DMXL2: variants seen among roughly 807,000 people sequenced by gnomAD.
The protein encoded by DMXL2 is dmX-like protein 2.
Under a neutral mutation model 331.1 loss-of-function variants are expected in DMXL2, and 103 were observed. That is an observed-to-expected ratio of 0.31 (90% CI 0.27 to 0.37). The LOEUF (loss-of-function observed/expected upper bound fraction) is 0.37, where lower values mean the gene tolerates loss of function less well. Ranked by LOEUF, DMXL2 falls within the 10% of genes least tolerant of loss-of-function variation. The pLI is 1.00. For missense variants in DMXL2, 3,171 were observed against 3,642.9 expected, an observed-to-expected ratio of 0.87 and a Z score of 3.33; for synonymous variants, 1,281 against 1,252.1, an observed-to-expected ratio of 1.02 and a Z score of -0.49.
chr15:51,534,201 T>C (rs1473941175), intron 13 of DMXL2, among the ~76,000 whole-genome samples: 1 of 152,130 alleles, frequency 6.6e-6, no homozygotes, highest in Non-Finnish European at 1.5e-5. Flanking sequence ...GGTCACAATA[T>C]TGCTATGTTT....
intron 15 of DMXL2, 21 bp downstream of exon 15, chr15:51,514,421 C>T (rs1209067727): frequency 1.5e-6 from 2 of 1,350,826 alleles, no homozygotes; most frequent in African/African-American, 3.0e-5. Flanking sequence ...TAAACAAATG[C>T]AGACTATTTT....
chr15:51,539,562 A>G (rs1275236040), intron 9 of DMXL2, among the ~76,000 whole-genome samples: 4 of 152,120 alleles, frequency 2.6e-5, no homozygotes, highest in Non-Finnish European at 5.9e-5. Context: ...TAATCCTAGC[A>G]CTTCTGAAGG....
At chr15:51,525,736 G>C (rs927343229) in intron 13 of DMXL2, among the ~76,000 whole-genome samples, 1 of 152,028 alleles carries the variant, frequency 6.6e-6, no homozygotes, top group African/African-American at 2.4e-5. Context: ...AGAAGGGTAG[G>C]AGGGACTGTG....
chr15:51,590,865 A>G (rs2052254864), intron 1 of DMXL2, among the ~76,000 whole-genome samples: 1 of 152,178 alleles, frequency 6.6e-6, no homozygotes, highest in South Asian at 2.1e-4. Flanking sequence ...AGGAGGAGAG[A>G]GAGAGAAGTG....
chr15:51,478,213 T>C, intron 26 of DMXL2, 58 bp downstream of exon 26: 2 of 1,433,418 alleles, frequency 1.4e-6, no homozygotes, highest in Non-Finnish European at 9.7e-7. Flanking sequence ...TTAATATAAC[T>C]CTGGAACAGT....
chr15:51,575,944 C>T, intron 2 of DMXL2, 112 bp downstream of exon 2: 1 of 1,098,486 alleles, frequency 9.1e-7, no homozygotes, highest in South Asian at 1.4e-5. Flanking sequence ...TAATAATCAC[C>T]CAAGCAATAC....
In DMXL2 at chr15:51,458,620, C is replaced by A; in HGVS notation, c.8084G>T (p.Cys2695Phe). Residue 2695 changes from cysteine to phenylalanine, a missense_variant, in exon 36 of 44, where the codon TGT becomes TTT. Around this residue, in one of 7 missense-constraint regions of DMXL2, gnomAD observed 766 missense variants for 940.5 expected, o/e 0.81. Transcript: ENST00000560891. ...TGTTGAAGCCAAAACAATTTCATTA[C>A]AATTTGCCTATAAAGCAAAGGCAGA... ...IMAFSVNKAN[C>F]NEIVLASTHD... 1 of 1,613,932 alleles carries A rather than the reference C, an allele frequency of 6.2e-7. No homozygotes were observed.
intron 2 of DMXL2, among the ~76,000 whole-genome samples, chr15:51,575,512 G>GA (rs995835979): frequency 5.3e-5 from 8 of 152,068 alleles, no homozygotes; most frequent in African/African-American, 1.9e-4. Context: ...AAAATTGGGG[G>GA]AGAGGTACAT....
chr15:51,450,351 A>G lies in DMXL2; in HGVS notation c.8750-5T>C. On this transcript the variant is annotated splice_polypyrimidine_tract_variant and splice_region_variant and intron_variant, in intron 42 of 43. Coordinates refer to ENST00000560891, the MANE Select transcript of DMXL2 (RefSeq NM_001378457.1). ...CATGATCGTGGCACGTGAAACCTGA[A>G]GAAGAAAAACATCAGAGAATTTCTC... The G allele has an allele frequency of 6.2e-7, 1 of 1,613,860 alleles. No individual in the cohort carries two copies. The highest frequency in any genetic ancestry group is 8.5e-7 in the Non-Finnish European group (1 of 1,179,796).
At chr15:51,562,912 A>G (rs2050057233) in intron 6 of DMXL2, among the ~76,000 whole-genome samples, 1 of 152,134 alleles carries the variant, frequency 6.6e-6, no homozygotes, top group Non-Finnish European at 1.5e-5. Flanking sequence ...AATAATATAT[A>G]TAACTCAGGG....
At chr15:51,556,144 C>G (rs1367037075) in intron 6 of DMXL2, among the ~76,000 whole-genome samples, 3 of 151,326 alleles carry the variant, frequency 2.0e-5, no homozygotes, top group Non-Finnish European at 2.9e-5. Flanking sequence ...GAGATCGAGA[C>G]CATCCTGGCT....
chr15:51,498,940 T>C lies in DMXL2; in HGVS notation c.4284A>G (p.Pro1428=), dbSNP rs1422663410. Residue 1428 remains proline, a synonymous_variant, in exon 18 of 44, where the codon CCA becomes CCG. Transcript: ENST00000560891. ...CAGCAAGTAATGCATATAGTGGTAG[T>C]GGAGGGATAGAATCTATCTCAGTAT... ...RDYTEIDSIP[P]LPLYALLAAD... is the part of the protein sequence containing the mutation. 9 of 1,614,030 alleles carry C rather than the reference T, an allele frequency of 5.6e-6. No homozygotes were observed. The highest frequency in any genetic ancestry group is 1.7e-5 in the Admixed American group (1 of 60,000).
chr15:51,466,470 G>A (rs2040583773), intron 29 of DMXL2, 159 bp from the exon 30 acceptor site: 2 of 233,724 alleles, frequency 8.6e-6, no homozygotes, highest in Non-Finnish European at 1.5e-5. Context: ...AATGGTGTCA[G>A]CATAAGTAAA....
intron 13 of DMXL2, among the ~76,000 whole-genome samples, chr15:51,524,430 C>T (rs988662270): frequency 3.3e-5 from 5 of 152,188 alleles, no homozygotes; most frequent in African/African-American, 1.2e-4. Flanking sequence ...AAAGCACCTT[C>T]ATAAGAACCA....
intron 16 of DMXL2, among the ~76,000 whole-genome samples, chr15:51,506,356 C>T (rs1220742229): frequency 6.6e-6 from 1 of 152,168 alleles, no homozygotes; most frequent in Non-Finnish European, 1.5e-5. Context: ...AGCCACCATG[C>T]CCATGCCCAG....
Position 51,481,453 on chromosome 15 carries a change from A to G in DMXL2, c.5653T>C (p.Phe1885Leu). Residue 1885 changes from phenylalanine to leucine, a missense_variant, in exon 24 of 44, where the codon TTC becomes CTC. Physicochemically the swap from Phe to Leu is conservative, Grantham distance 22. Coordinates refer to ENST00000560891, the MANE Select transcript of DMXL2 (RefSeq NM_001378457.1). ...AAATGAGCATTTGCAGTGGTAAAGA[A>G]TAATTTTCTTTCTATGAGGTTAATT... The part of the protein sequence containing the change: ...DKINLIERKL[F>L]FTTANAHFKV... 6.2e-7 allele frequency: 1 copy of G among 1,613,012 alleles called. No homozygotes were observed. The highest frequency in any genetic ancestry group is 8.5e-7 in the Non-Finnish European group (1 of 1,179,590).
intron 27 of DMXL2, 47 bp downstream of exon 27, chr15:51,476,542 A>C: frequency 6.3e-7 from 1 of 1,587,240 alleles, no homozygotes; most frequent in Non-Finnish European, 8.5e-7. Context: ...TTTAGGAAGA[A>C]ATTGCCAACT....
intron 27 of DMXL2, among the ~76,000 whole-genome samples, chr15:51,475,582 G>T (rs1345151169): frequency 6.6e-6 from 1 of 152,012 alleles, no homozygotes; most frequent in East Asian, 1.9e-4. Context: ...AAAACAACTG[G>T]CTGGTACTCT....
In DMXL2 at chr15:51,448,817, C is replaced by T. The variant is rs867655446; in HGVS notation, c.*167G>A. On this transcript the variant is annotated 3_prime_UTR_variant, in exon 44 of 44. Coordinates refer to ENST00000560891, the MANE Select transcript of DMXL2 (RefSeq NM_001378457.1). ...GTATGTCAGCATAATAAGGTACATG[C>T]GCATTCATTCCACCAACCTGTTTAG... 5.1e-5 allele frequency: 34 copies of T among 661,544 alleles called. No homozygotes were observed. The highest frequency in any genetic ancestry group is 5.1e-4 in the African/African-American group (28 of 55,072). 41.0% of individuals were successfully genotyped at this position (661,544 alleles called of 1,614,324 possible).
Sources: gnomAD v4.1 joint callset for allele counts (sites outside exome capture counted in the v4.1 genomes callset) on GRCh38, gnomAD v4.1.1 for gene constraint, gnomAD v4.1.1 regional missense constraint, MANE v1.5 for transcripts, NCBI Gene and HGNC (gene_info 2026-07-23, HGNC 2026-07-21) for gene names.